Variants in NEK6 observed in about 807,000 individuals in gnomAD.
The protein encoded by NEK6 is serine/threonine-protein kinase Nek6.
A neutral mutation model predicts 43.5 loss-of-function variants in NEK6; 27 were observed. That is an observed-to-expected ratio of 0.62 (90% confidence interval 0.46 to 0.86). The LOEUF (loss-of-function observed/expected upper bound fraction) is 0.86, where lower values mean the gene tolerates loss of function less well. Ranked by LOEUF, NEK6 falls within the 40% of genes least tolerant of loss-of-function variation. The pLI, the probability that NEK6 is intolerant of heterozygous loss-of-function variation, is 0.00. For synonymous variants in NEK6, 167 were observed against 164.1 expected, an observed-to-expected ratio of 1.02 and a Z score of -0.14; for missense variants, 318 against 414.4, an observed-to-expected ratio of 0.77 and a Z score of 2.02.
intron 8 of NEK6, among the ~76,000 whole-genome samples, chr9:124,345,919 C>G (rs1436061077): frequency 2.0e-5 from 3 of 152,222 alleles, no homozygotes; most frequent in Non-Finnish European, 2.9e-5. Flanking sequence ...TTGGCAGGCT[C>G]CCAGCCCGCT....
rs978856798 is a variant in NEK6, at chr9:124,333,814, G to C, written c.623-5757G>C. On this transcript the variant is annotated intron_variant, in intron 7 of 9. Coordinates refer to ENST00000320246, the MANE Select transcript of NEK6 (RefSeq NM_014397.6). ...TTTTTTTGAGACTGAATTTCGCTCT[G>C]TTGCCCAAGCTGGAATGCAGTGGTG... 2.8e-4 allele frequency among the ~76,000 whole-genome samples: 34 copies of C among 122,592 alleles called. No homozygotes were observed. The East Asian group carries it at 8.0e-3, about 29-fold the overall frequency. The allele number at this position is 122,592 out of a possible 152,430, so 80.4% of individuals were successfully genotyped here.
At chr9:124,304,509 C>T (rs547879404) in intron 2 of NEK6, among the ~76,000 whole-genome samples, 4 of 152,286 alleles carry the variant, frequency 2.6e-5, no homozygotes, top group African/African-American at 9.6e-5. Flanking sequence ...CCTCATGAGG[C>T]GGCTGTGAAG....
Position 124,324,615 on chromosome 9 carries a change from G to A in NEK6, c.406-1715G>A, listed in dbSNP as rs1281919971. On this transcript the variant is annotated intron_variant, in intron 5 of 9. Coordinates refer to ENST00000320246, the MANE Select transcript of NEK6 (RefSeq NM_014397.6). This position sits in a 1 kb window ranked among gnomAD's most constrained non-coding sequence, Gnocchi z 5.3. ...CACATCACAGCGTGAATAACATCCC[G>A]GCCTGGCCCGCCACAGGCCTGGAGG... 2.0e-5 allele frequency among the ~76,000 whole-genome samples: 3 copies of A among 152,168 alleles called. No homozygotes were observed. Among genetic ancestry groups the A allele is most frequent in the Non-Finnish European group, 2.9e-5 (2 of 68,024 alleles).
At chr9:124,285,595 G>C (rs963591939) in intron 1 of NEK6, among the ~76,000 whole-genome samples, 1 of 152,136 alleles carries the variant, frequency 6.6e-6, no homozygotes, top group East Asian at 1.9e-4. Flanking sequence ...CAGCAGATCC[G>C]AGCAACAGCC....
At chr9:124,330,509 C>G (rs538541270) in intron 7 of NEK6, among the ~76,000 whole-genome samples, 1 of 152,038 alleles carries the variant, frequency 6.6e-6, no homozygotes, top group African/African-American at 2.4e-5. Context: ...GCAGGAAGGG[C>G]GGCTGGTCAC....
At chr9:124,319,777 A>G (rs1403955359) in intron 4 of NEK6, among the ~76,000 whole-genome samples, 4 of 152,076 alleles carry the variant, frequency 2.6e-5, no homozygotes, top group East Asian at 1.9e-4. Context: ...TCTGAGTTCT[A>G]TATTCTGTTC....
At chr9:124,262,122 G>C (rs894471128) in intron 1 of NEK6, among the ~76,000 whole-genome samples, 1 of 152,120 alleles carries the variant, frequency 6.6e-6, no homozygotes, top group Non-Finnish European at 1.5e-5. Context: ...GAAATGAGCA[G>C]GCACTGTTGA....
intron 1 of NEK6, chr9:124,292,000 G>T (rs1832444232): frequency 9.1e-6 from 9 of 989,024 alleles, no homozygotes; most frequent in Non-Finnish European, 1.1e-5. Flanking sequence ...AGGCGACCCA[G>T]CTCCCTGGAG....
At chr9:124,321,652 C>G in intron 5 of NEK6, 83 bp downstream of exon 5, 1 of 940,092 alleles carries the variant, frequency 1.1e-6, no homozygotes, top group Non-Finnish European at 1.7e-6. Flanking sequence ...CCCAGTCCCA[C>G]AATGCTCTGC....
intron 1 of NEK6, among the ~76,000 whole-genome samples, chr9:124,287,433 C>T (rs1239841089): frequency 6.6e-6 from 1 of 152,236 alleles, no homozygotes; most frequent in Non-Finnish European, 1.5e-5. Flanking sequence ...CCCATCTCCT[C>T]ATCTCAAAAA....
At chr9:124,306,621 G>A (rs1436428591) in intron 2 of NEK6, among the ~76,000 whole-genome samples, 2 of 152,204 alleles carry the variant, frequency 1.3e-5, no homozygotes, top group Middle Eastern at 3.2e-3. Context: ...CCGTCAAGGG[G>A]CAGAGTTGGG....
At position 124,284,724 on chromosome 9, in the gene NEK6, A is replaced by T. The variant is rs543121289; in HGVS notation, c.-29-17212A>T. 2.0e-5 allele frequency among the ~76,000 whole-genome samples: 3 copies of T among 152,322 alleles called. No individual in the cohort carries two copies. The South Asian group carries it at 6.2e-4, about 32-fold the overall frequency. ...GGAAGAATGTGTGTGTCTGGGGTCCAAGACCACATGCACCGCCTGGTGGAA... is the reference window on the plus strand; with the variant it reads ...GGAAGAATGTGTGTGTCTGGGGTCCTAGACCACATGCACCGCCTGGTGGAA... On this transcript the variant is annotated intron_variant, in intron 1 of 9. Transcript: ENST00000320246.
At chr9:124,344,163 G>A (rs960531692) in intron 8 of NEK6, among the ~76,000 whole-genome samples, 5 of 152,134 alleles carry the variant, frequency 3.3e-5, no homozygotes, top group African/African-American at 7.2e-5. Flanking sequence ...CTTCTCTCTC[G>A]GGCTCCCTGT....
At chr9:124,327,033 A>G (rs935509575) in intron 6 of NEK6, among the ~76,000 whole-genome samples, 1 of 152,140 alleles carries the variant, frequency 6.6e-6, no homozygotes, top group African/African-American at 2.4e-5. Context: ...CCTGTGTGCG[A>G]GGCACTGTTC....
chr9:124,272,312 C>T (rs1255685836), intron 1 of NEK6, among the ~76,000 whole-genome samples: 4 of 152,332 alleles, frequency 2.6e-5, no homozygotes, highest in African/African-American at 4.8e-5. Context: ...CAGATCCAGG[C>T]GCTCTGCTGA....
chr9:124,281,873 A>G (rs1223427326), intron 1 of NEK6, among the ~76,000 whole-genome samples: 2 of 152,130 alleles, frequency 1.3e-5, no homozygotes, highest in African/African-American at 2.4e-5. Context: ...CTGGCAACCT[A>G]TGTCTATCTT....
In NEK6 at chr9:124,339,688, G is replaced by A. The variant is rs1476664076; in HGVS notation, c.717+23G>A. On this transcript the variant is annotated intron_variant, in intron 8 of 9. Coordinates refer to ENST00000320246, the MANE Select transcript of NEK6 (RefSeq NM_014397.6). Reference sequence around the variant, plus strand: ...GAGGTGAGTCTCTGTCCGTGGCTCAGCAGCATTTGGTGGGACATGCATGGG... The same window carrying A: ...GAGGTGAGTCTCTGTCCGTGGCTCAACAGCATTTGGTGGGACATGCATGGG... 2.6e-6 allele frequency: 4 copies of A among 1,566,066 alleles called. 1 individual carries two copies. The South Asian group carries it at 4.4e-5, about 17-fold the overall frequency.
At chr9:124,263,777 A>G (rs1041597857) in intron 1 of NEK6, among the ~76,000 whole-genome samples, 2 of 152,182 alleles carry the variant, frequency 1.3e-5, no homozygotes, top group African/African-American at 4.8e-5. Flanking sequence ...GAGACAGCGC[A>G]GTTTGCAAAG....
intron 1 of NEK6, among the ~76,000 whole-genome samples, chr9:124,272,313 G>A (rs1831474231): frequency 1.3e-5 from 2 of 152,178 alleles, no homozygotes; most frequent in South Asian, 2.1e-4. Flanking sequence ...AGATCCAGGC[G>A]CTCTGCTGAG....
Sources: allele counts gnomAD v4.1 joint callset (sites outside exome capture counted in the v4.1 genomes callset), GRCh38; gene constraint gnomAD v4.1.1; non-coding constraint Gnocchi (gnomAD v3.1); transcripts MANE v1.5; gene names NCBI Gene and HGNC (gene_info 2026-07-23, HGNC 2026-07-21).